The following ZFHX3 variants were observed in gnomAD, a reference collection of about 807,000 sequenced individuals.
ZFHX3 encodes zinc finger homeobox 3.
Under a neutral mutation model 279.1 loss-of-function variants are expected in ZFHX3, and 42 were observed. The ratio of observed to expected loss-of-function variants is 0.15; its 90% CI spans 0.12 to 0.19. The LOEUF is 0.19. ZFHX3 is among the 10% of genes least tolerant of loss of function. The pLI is 1.00. For missense variants in ZFHX3, 4,981 were observed against 4,754.0 expected (o/e 1.05, Z -1.40); for synonymous variants, 2,293 against 1,957.8 (o/e 1.17, Z -4.52).
At chr16:72,965,503 T>G (rs1961794818) in intron 1 of ZFHX3, among the ~76,000 whole-genome samples, 1 of 152,170 alleles carries the variant, frequency 6.6e-6, no homozygotes, top group Non-Finnish European at 1.5e-5. Flanking sequence ...AAAGGCAGGT[T>G]CCAGAACCTA....
At chr16:73,748,712 GTCTTA>G (rs1014540022) in intron 1 of ZFHX3, among the ~76,000 whole-genome samples, 3 of 152,100 alleles carry the variant, frequency 2.0e-5, no homozygotes, top group Admixed American at 2.0e-4. Context: ...AGAGCCCTTG[GTCTTA>G]TAGAAAAAAT....
chr16:72,866,048 G>A (rs928399357), intron 4 of ZFHX3, among the ~76,000 whole-genome samples: 6 of 152,154 alleles, frequency 3.9e-5, no homozygotes, highest in African/African-American at 1.2e-4. Context: ...AATGTGATGC[G>A]GTCGTGAGAT....
chr16:72,833,218 T>C (rs888554743), intron 4 of ZFHX3, among the ~76,000 whole-genome samples: 3 of 152,192 alleles, frequency 2.0e-5, no homozygotes, highest in Admixed American at 1.3e-4. Flanking sequence ...GAAACAGAGA[T>C]CTGCGTCCAC....
intron 1 of ZFHX3, among the ~76,000 whole-genome samples, chr16:73,754,342 GAC>G (rs2053787599): frequency 6.6e-6 from 1 of 152,098 alleles, no homozygotes; most frequent in South Asian, 2.1e-4. Flanking sequence ...AAAGGAGGGT[GAC>G]ACAGGCTAGA....
At chr16:73,110,362 G>A (rs1042209201) in intron 7 of ZFHX3, among the ~76,000 whole-genome samples, 3 of 151,804 alleles carry the variant, frequency 2.0e-5, no homozygotes, top group African/African-American at 7.3e-5. Context: ...CCTTTCCTTG[G>A]TCCTTGGATA....
intron 2 of ZFHX3, among the ~76,000 whole-genome samples, 198 bp from the exon 3 acceptor site, chr16:72,951,163 T>C (rs932714680): frequency 1.7e-4 from 26 of 152,226 alleles, no homozygotes; most frequent in African/African-American, 5.8e-4. Flanking sequence ...CAATCTTTCC[T>C]GCGGACATTC....
chr16:73,023,422 T>C (rs1477990801), intron 1 of ZFHX3, among the ~76,000 whole-genome samples: 1 of 151,826 alleles, frequency 6.6e-6, no homozygotes, highest in Non-Finnish European at 1.5e-5. Context: ...CCTGTGAGGG[T>C]AAGGGGCGGA....
chr16:73,233,547 T>C (rs998461853), intron 5 of ZFHX3, among the ~76,000 whole-genome samples: 19 of 152,122 alleles, frequency 1.2e-4, no homozygotes, highest in Non-Finnish European at 1.5e-4. Context: ...AAGTTTTCCA[T>C]TGGTTGGGTT....
intron 4 of ZFHX3, among the ~76,000 whole-genome samples, chr16:73,275,104 C>A (rs774292356): frequency 1.3e-5 from 2 of 152,146 alleles, no homozygotes; most frequent in East Asian, 3.8e-4. Context: ...TGCAGTAGCC[C>A]GATTCCAGGT....
At chr16:73,070,710 GTCTCTCTC>G (rs3081669) in intron 8 of ZFHX3, among the ~76,000 whole-genome samples, 9 of 148,178 alleles carry the variant, frequency 6.1e-5, no homozygotes, top group South Asian at 2.2e-4. Flanking sequence ...TGACATCATT[GTCTCTCTC>G]TCTCTCTCTC....
At chr16:73,221,840 A>C (rs2012431290) in intron 5 of ZFHX3, among the ~76,000 whole-genome samples, 2 of 152,166 alleles carry the variant, frequency 1.3e-5, no homozygotes, top group African/African-American at 4.8e-5. Context: ...AATAAAAATG[A>C]AAAAATCACA....
chr16:73,460,583 T>C (rs2018455230), intron 2 of ZFHX3, among the ~76,000 whole-genome samples: 1 of 152,244 alleles, frequency 6.6e-6, no homozygotes, highest in South Asian at 2.1e-4. Context: ...TGTGTCATTG[T>C]ACATTCTCAC....
At chr16:73,572,028 T>A (rs77094897) in intron 2 of ZFHX3, among the ~76,000 whole-genome samples, 1,654 of 152,264 alleles carry the variant, frequency 0.011, 31 homozygotes, top group African/African-American at 0.038. Context: ...TTCTGATTCA[T>A]CTTAAGCAGA....
chr16:72,983,661 C>T (rs1031445221), intron 1 of ZFHX3, among the ~76,000 whole-genome samples: 4 of 151,886 alleles, frequency 2.6e-5, no homozygotes, highest in African/African-American at 4.8e-5. Context: ...GAGCTATGAA[C>T]GTGCCCCTGC....
chr16:72,846,395 A>G (rs185163470), intron 4 of ZFHX3, among the ~76,000 whole-genome samples: 94 of 152,320 alleles, frequency 6.2e-4, no homozygotes, highest in Admixed American at 1.6e-3. Context: ...CTAAGCAGGG[A>G]GAGAAGGGAC....
rs1189679416 is a variant in ZFHX3, at chr16:72,889,745, G to C, written c.3434C>G (p.Pro1145Arg). 1 of 1,612,304 alleles carries C rather than the reference G, an allele frequency of 6.2e-7. No homozygotes were observed. Among genetic ancestry groups the C allele is most frequent in the Non-Finnish European group, 8.5e-7 (1 of 1,179,944 alleles). ...LGQIFTIRRC[P>R]STDPEEAIED... ...AGACCACTCACCTGGGTCCGTGGAG[G>C]GGCACCTGCGGATGGTGAAGATCTG... is the stretch of plus-strand genomic sequence containing the variant. Residue 1145 changes from proline to arginine, a missense_variant, in exon 4 of 10, where the codon CCC becomes CGC. Physicochemically the swap from Pro to Arg is moderately radical, Grantham distance 103. This residue lies in a region of ZFHX3 where 1,751 missense variants were observed against 1,770.0 expected (regional missense o/e 0.99). Coordinates refer to ENST00000268489, the MANE Select transcript of ZFHX3 (RefSeq NM_006885.4).
chr16:73,239,352 G>C (rs1285391745), intron 5 of ZFHX3, among the ~76,000 whole-genome samples: 2 of 152,290 alleles, frequency 1.3e-5, no homozygotes, highest in South Asian at 2.1e-4. Context: ...AGAAACTTTG[G>C]AGTTAATTAG....
intron 8 of ZFHX3, among the ~76,000 whole-genome samples, chr16:73,072,461 A>T (rs1285959441): frequency 6.6e-6 from 1 of 151,560 alleles, no homozygotes; most frequent in East Asian, 1.9e-4. Flanking sequence ...AAAAAAAAAA[A>T]AGGAAAATCA....
intron 7 of ZFHX3, among the ~76,000 whole-genome samples, chr16:73,119,003 TC>T (rs1966463988): frequency 6.6e-6 from 1 of 152,210 alleles, no homozygotes; most frequent in Non-Finnish European, 1.5e-5. Flanking sequence ...TTACAGTCAC[TC>T]CTTTCAGGGT....
Sources: allele counts gnomAD v4.1 joint callset (sites outside exome capture counted in the v4.1 genomes callset), GRCh38; gene constraint gnomAD v4.1.1; regional missense constraint gnomAD v4.1.1; transcripts MANE v1.5; gene names NCBI Gene and HGNC (gene_info 2026-07-23, HGNC 2026-07-21).